S100Z: variants seen among roughly 807,000 people sequenced by gnomAD.
The protein encoded by S100Z is S100 calcium binding protein Z.
Under a neutral mutation model 8.5 loss-of-function variants are expected in S100Z, and 11 were observed. The observed-to-expected ratio is 1.30, with a 90% CI of 0.82 to 2.15. The LOEUF is 2.15. S100Z is among the 30% of genes most tolerant of loss of function. The probability of loss-of-function intolerance (pLI) is 0.00; values close to 1 mark genes in which losing one functional copy is unlikely to be tolerated. For synonymous variants in S100Z, 34 were observed against 43.8 expected (o/e 0.78, Z 0.89); for missense variants, 126 against 117.9 (o/e 1.07, Z -0.32).
At chr5:76,886,819 A>G (rs1743656401) in intron 4 of S100Z, among the ~76,000 whole-genome samples, 1 of 152,156 alleles carries the variant, frequency 6.6e-6, no homozygotes, top group South Asian at 2.1e-4. Flanking sequence ...AGAATTGCAA[A>G]GAACCTTCTT....
chr5:76,935,030 G>T, the S100Z span, among the ~76,000 whole-genome samples: 1 of 152,050 alleles, frequency 6.6e-6, no homozygotes, highest in South Asian at 2.1e-4. Flanking sequence ...CAAGTTTTAC[G>T]GTTTATGTCA....
chr5:76,922,369 A>C (rs1040515481), downstream of S100Z, among the ~76,000 whole-genome samples: 6 of 152,228 alleles, frequency 3.9e-5, no homozygotes, highest in Non-Finnish European at 7.3e-5. Context: ...TATTCTTCTG[A>C]AGGAAGCTTC....
At chr5:76,913,854 G>A (rs1305207492) in intron 4 of S100Z, among the ~76,000 whole-genome samples, 1 of 152,130 alleles carries the variant, frequency 6.6e-6, no homozygotes, top group African/African-American at 2.4e-5. Flanking sequence ...GCATTTACAG[G>A]AAAAGGCTTC....
At chr5:76,851,055 GCTA>G (rs993656624) in intron 1 of S100Z, among the ~76,000 whole-genome samples, 1 of 152,182 alleles carries the variant, frequency 6.6e-6, no homozygotes, top group African/African-American at 2.4e-5. Flanking sequence ...ATTAACGTTG[GCTA>G]CTATTATTTT....
intron 1 of S100Z, among the ~76,000 whole-genome samples, chr5:76,854,416 C>G (rs977317594): frequency 6.6e-6 from 1 of 152,148 alleles, no homozygotes; most frequent in African/African-American, 2.4e-5. Flanking sequence ...TTATTGGGAA[C>G]TGGAGCAAAG....
the S100Z span, among the ~76,000 whole-genome samples, chr5:76,936,642 C>CAA: frequency 2.1e-5 from 3 of 143,500 alleles, no homozygotes; most frequent in Non-Finnish European, 4.7e-5. Context: ...CACACACACA[C>CAA]ACACACACAC....
At chr5:76,911,786 G>C (rs1272380452) in intron 4 of S100Z, among the ~76,000 whole-genome samples, 5 of 152,176 alleles carry the variant, frequency 3.3e-5, no homozygotes, top group African/African-American at 1.2e-4. Flanking sequence ...CTTAGCCAGA[G>C]GTACCAGGGC....
chr5:76,924,456 A>G (rs10514084), downstream of S100Z, among the ~76,000 whole-genome samples: 11,864 of 152,188 alleles, frequency 0.078, 1,547 homozygotes, highest in African/African-American at 0.27. Context: ...TACACGTTCT[A>G]ACAAGATTCT....
intron 3 of S100Z, among the ~76,000 whole-genome samples, chr5:76,875,948 T>G (rs2150641248): frequency 6.6e-6 from 1 of 152,284 alleles, no homozygotes; most frequent in Middle Eastern, 3.4e-3. Context: ...TGGCAAATAC[T>G]TAGAGAGCTT....
chr5:76,944,096 C>A, the S100Z span, among the ~76,000 whole-genome samples: 1 of 152,242 alleles, frequency 6.6e-6, no homozygotes, highest in African/African-American at 2.4e-5. Flanking sequence ...CCAGCTTGCT[C>A]CCCACCTTGT....
At chr5:76,882,517 A>G (rs981719611) in intron 4 of S100Z, among the ~76,000 whole-genome samples, 1 of 152,194 alleles carries the variant, frequency 6.6e-6, no homozygotes, top group South Asian at 2.1e-4. Flanking sequence ...GTGAGTTTAT[A>G]TAATGGTTTT....
chr5:76,915,108 A>G (rs532078859), intron 4 of S100Z, among the ~76,000 whole-genome samples: 1 of 152,184 alleles, frequency 6.6e-6, no homozygotes, highest in African/African-American at 2.4e-5. Context: ...GATCAAGACC[A>G]TCCTGGCTAA....
chr5:76,894,836 G>A (rs572021124), intron 4 of S100Z, among the ~76,000 whole-genome samples: 12 of 152,040 alleles, frequency 7.9e-5, no homozygotes, highest in East Asian at 1.9e-4. Context: ...TGATCCACCC[G>A]CCTCGGCCTC....
At chr5:76,901,538 C>T (rs1744225343) in intron 4 of S100Z, among the ~76,000 whole-genome samples, 1 of 152,270 alleles carries the variant, frequency 6.6e-6, no homozygotes, top group South Asian at 2.1e-4. Context: ...CAGACTACCA[C>T]CAATGTTCCC....
intron 4 of S100Z, among the ~76,000 whole-genome samples, chr5:76,899,656 C>T (rs965433976): frequency 2.6e-5 from 4 of 152,114 alleles, no homozygotes; most frequent in African/African-American, 4.8e-5. Flanking sequence ...TGTCCTCCTG[C>T]TTTTTAACTT....
intron 4 of S100Z, among the ~76,000 whole-genome samples, chr5:76,886,272 G>A (rs115559635): frequency 0.017 from 2,657 of 152,268 alleles, 31 homozygotes; most frequent in Non-Finnish European, 0.026. Context: ...TGTGACCTGC[G>A]CCGGAGTTTT....
At chr5:76,924,684 C>T (rs1318258701), downstream of S100Z, among the ~76,000 whole-genome samples, 3 of 152,040 alleles carry the variant, frequency 2.0e-5, no homozygotes, top group African/African-American at 4.8e-5. Context: ...CAAGGGCAGG[C>T]GGATCACTTG....
chr5:76,866,339 C>T (rs1742730109), intron 1 of S100Z, among the ~76,000 whole-genome samples: 1 of 152,100 alleles, frequency 6.6e-6, no homozygotes, highest in South Asian at 2.1e-4. Flanking sequence ...CCTGCCTCAG[C>T]CTCCCCAAGT....
the S100Z span, among the ~76,000 whole-genome samples, chr5:76,942,793 T>A: frequency 6.6e-6 from 1 of 152,046 alleles, no homozygotes; most frequent in African/African-American, 2.4e-5. Flanking sequence ...AGCTCAAGGG[T>A]TTCACAGACA....
Sources: gnomAD v4.1 joint callset for allele counts (sites outside exome capture counted in the v4.1 genomes callset) on GRCh38, gnomAD v4.1.1 for gene constraint, MANE v1.5 for transcripts, NCBI Gene and HGNC (gene_info 2026-07-23, HGNC 2026-07-21) for gene names.